The following DTNA variants were observed in gnomAD, a reference collection of about 807,000 sequenced individuals.
DTNA encodes dystrobrevin alpha.
In DTNA, 43 loss-of-function variants were observed where a neutral mutation model predicts 100.7. That is an observed-to-expected ratio of 0.43 (90% CI 0.33 to 0.55). The LOEUF (loss-of-function observed/expected upper bound fraction) is 0.55, where lower values mean the gene tolerates loss of function less well. DTNA is among the 20% of genes least tolerant of loss of function. DTNA has a pLI of 0.04. For missense variants in DTNA, 798 were observed against 953.9 expected, an observed-to-expected ratio of 0.84 and a Z score of 2.15; for synonymous variants, 349 against 347.9, an observed-to-expected ratio of 1.00 and a Z score of -0.04.
At chr18:34,846,653 A>G (rs1049911009) in intron 13 of DTNA, among the ~76,000 whole-genome samples, 1 of 152,130 alleles carries the variant, frequency 6.6e-6, no homozygotes, top group Non-Finnish European at 1.5e-5. Flanking sequence ...GGAATGTCTT[A>G]TGAATGACCA....
At chr18:34,551,643 G>A (rs1308174700) in intron 1 of DTNA, among the ~76,000 whole-genome samples, 3 of 152,124 alleles carry the variant, frequency 2.0e-5, no homozygotes, top group South Asian at 2.1e-4. Context: ...CCAGCTTTCA[G>A]AGGATACTTG....
intron 17 of DTNA, chr18:34,866,250 G>T: frequency 2.5e-6 from 4 of 1,595,082 alleles, no homozygotes; most frequent in Non-Finnish European, 3.4e-6. Context: ...AGAGAAAAAA[G>T]TCATACTAAT....
intron 1 of DTNA, among the ~76,000 whole-genome samples, chr18:34,532,589 T>C (rs1243693074): frequency 5.9e-5 from 9 of 152,038 alleles, no homozygotes; most frequent in Admixed American, 5.2e-4. Flanking sequence ...TCTTATACTC[T>C]TGTCCCTAGT....
intron 1 of DTNA, among the ~76,000 whole-genome samples, chr18:34,718,409 T>C (rs1461094546): frequency 6.6e-6 from 1 of 152,230 alleles, no homozygotes; most frequent in Non-Finnish European, 1.5e-5. Context: ...AGGCATCGTT[T>C]AGAAAGGTCA....
At chr18:34,720,929 C>A (rs1268960402) in intron 1 of DTNA, among the ~76,000 whole-genome samples, 5 of 152,142 alleles carry the variant, frequency 3.3e-5, no homozygotes, top group Admixed American at 2.6e-4. Context: ...CTGAAATAAT[C>A]TCTGCAAATG....
At chr18:34,788,303 A>C (rs1296781752) in intron 3 of DTNA, among the ~76,000 whole-genome samples, 1 of 152,248 alleles carries the variant, frequency 6.6e-6, no homozygotes, top group African/African-American at 2.4e-5. Context: ...CTATTTAAAT[A>C]AACAAAAGGC....
chr18:34,679,907 A>G (rs560773066), intron 1 of DTNA, among the ~76,000 whole-genome samples: 1 of 152,264 alleles, frequency 6.6e-6, no homozygotes, highest in South Asian at 2.1e-4. Context: ...AAATGCCATA[A>G]TACTTCATTC....
chr18:34,872,157 A>G (rs2096771549), intron 17 of DTNA, among the ~76,000 whole-genome samples: 1 of 152,212 alleles, frequency 6.6e-6, no homozygotes, highest in South Asian at 2.1e-4. Flanking sequence ...AGGAGTAGCA[A>G]AAGTTGCCTT....
intron 1 of DTNA, among the ~76,000 whole-genome samples, chr18:34,579,826 AACTTTCT>A (rs1206144744): frequency 3.3e-5 from 5 of 152,110 alleles, no homozygotes; most frequent in Non-Finnish European, 4.4e-5. Context: ...GGTTTTACTT[AACTTTCT>A]TCATACATGG....
intron 1 of DTNA, among the ~76,000 whole-genome samples, chr18:34,724,655 G>A (rs920754744): frequency 9.2e-5 from 14 of 152,120 alleles, no homozygotes; most frequent in Middle Eastern, 3.2e-3. Context: ...GATACAGTGA[G>A]AACTCTCTCA....
At chr18:34,656,565 C>T (rs1409003087) in intron 1 of DTNA, among the ~76,000 whole-genome samples, 2 of 152,306 alleles carry the variant, frequency 1.3e-5, no homozygotes, top group East Asian at 3.9e-4. Flanking sequence ...TATTGAAGTT[C>T]TCCTAGCCCT....
At position 34,820,869 on chromosome 18, in the gene DTNA, A is replaced by G. The variant is rs141981161; in HGVS notation, c.955A>G (p.Met319Val). 138 of 1,614,070 alleles carry G rather than the reference A, an allele frequency of 8.5e-5. No homozygotes were observed. In the African/African-American group the frequency reaches 1.6e-3, roughly 19 times the overall value. ...TTCCAGCCGTGAACCTTTGCACCCC[A>G]TGTTCCCAGATCAGCCTGAGAAGCC... Reference protein sequence around the residue: ...CASSREPLHPMFPDQPEKPLN... With the variant: ...CASSREPLHPVFPDQPEKPLN... Residue 319 changes from methionine to valine, a missense_variant, in exon 9 of 23, where the codon ATG becomes GTG. Coordinates refer to ENST00000444659, the MANE Select transcript of DTNA (RefSeq NM_001386795.1).
chr18:34,753,285 GC>G (rs1180885862), intron 1 of DTNA, among the ~76,000 whole-genome samples: 24 of 151,998 alleles, frequency 1.6e-4, no homozygotes, highest in Non-Finnish European at 8.8e-5. Flanking sequence ...CAGATGCCAG[GC>G]TTTACCTCTG....
At chr18:34,701,245 C>G (rs1404619402) in intron 1 of DTNA, among the ~76,000 whole-genome samples, 1 of 152,190 alleles carries the variant, frequency 6.6e-6, no homozygotes, top group African/African-American at 2.4e-5. Context: ...TATCCTTCTC[C>G]TGTTCCTCAA....
At chr18:34,744,534 A>T (rs529995207) in intron 1 of DTNA, among the ~76,000 whole-genome samples, 1 of 152,324 alleles carries the variant, frequency 6.6e-6, no homozygotes, top group East Asian at 1.9e-4. Context: ...GAAACGAAGA[A>T]GGTGAATAAA....
intron 1 of DTNA, among the ~76,000 whole-genome samples, chr18:34,674,594 G>C (rs965744411): frequency 6.6e-6 from 1 of 152,124 alleles, no homozygotes; most frequent in South Asian, 2.1e-4. Flanking sequence ...CCACTTTGAC[G>C]TTCTTAGGCT....
At chr18:34,518,752 C>T (rs2041902184) in intron 1 of DTNA, among the ~76,000 whole-genome samples, 1 of 138,494 alleles carries the variant, frequency 7.2e-6, no homozygotes, top group Non-Finnish European at 1.6e-5. Flanking sequence ...TGTGAAGCTA[C>T]TATGTGTGAG....
chr18:34,744,931 A>T (rs146882211), intron 1 of DTNA, among the ~76,000 whole-genome samples: 1 of 151,146 alleles, frequency 6.6e-6, no homozygotes, highest in East Asian at 1.9e-4. Flanking sequence ...AGACATGTCT[A>T]GTCTTAAACC....
rs2095495591 is a variant in DTNA at position 34,811,975 on chromosome 18, T to A, written c.465T>A (p.Ile155=). The part of the protein sequence containing the change: ...MDKLRYIFSM[I]SDSSGVMVYG... ...TTTCATCAGATATTTTCTCAATGAT[T>A]TCTGACTCCAGTGGGGTGATGGTTT... is the stretch of plus-strand genomic sequence containing the variant. Residue 155 remains isoleucine, a synonymous_variant, in exon 6 of 23, where the codon ATT becomes ATA. Transcript: ENST00000444659. 1.2e-6 allele frequency: 2 copies of A among 1,613,940 alleles called. No individual in the cohort carries two copies. Among genetic ancestry groups the A allele is most frequent in the African/African-American group, 2.7e-5 (2 of 74,928 alleles).
Sources: allele counts gnomAD v4.1 joint callset (sites outside exome capture counted in the v4.1 genomes callset), GRCh38; gene constraint gnomAD v4.1.1; transcripts MANE v1.5; gene names NCBI Gene and HGNC (gene_info 2026-07-23, HGNC 2026-07-21).